The following LAMA4 variants were observed in gnomAD, a reference collection of about 807,000 sequenced individuals.
The protein encoded by LAMA4 is laminin subunit alpha 4, also known as laminin subunit alpha-4.
A neutral mutation model predicts 207.1 loss-of-function variants in LAMA4; 127 were observed. The observed-to-expected ratio is 0.61, with a 90% confidence interval of 0.53 to 0.71. The LOEUF (loss-of-function observed/expected upper bound fraction) is 0.71, where lower values mean the gene tolerates loss of function less well. Among genes scored for constraint, LAMA4 ranks in the 30% least tolerant of loss-of-function variants. The pLI is 0.00. For synonymous variants in LAMA4, 761 were observed against 816.0 expected (o/e 0.93, Z 1.15); for missense variants, 2,093 against 2,246.5 (o/e 0.93, Z 1.38).
chr6:112,159,885 CT>C (rs1308748337), intron 13 of LAMA4, among the ~76,000 whole-genome samples: 1 of 152,124 alleles, frequency 6.6e-6, no homozygotes, highest in African/African-American at 2.4e-5. Flanking sequence ...CTTCTTTGTC[CT>C]GGGAGCAAGC....
intron 4 of LAMA4, among the ~76,000 whole-genome samples, chr6:112,202,444 GT>G (rs1554352871): frequency 3.6e-5 from 1 of 27,436 alleles, no homozygotes; most frequent in African/African-American, 6.5e-4. Flanking sequence ...GGGCATAGGG[GT>G]GTGTGTGTGT....
At position 112,107,995 on chromosome 6, in the gene LAMA4, C is replaced by T. The variant is rs1777518644; in HGVS notation, c.*1442G>A. 2.0e-5 allele frequency among the ~76,000 whole-genome samples: 3 copies of T among 152,080 alleles called. No homozygotes were observed. On this transcript the variant is annotated 3_prime_UTR_variant, in exon 39 of 39. Coordinates refer to ENST00000230538, the MANE Select transcript of LAMA4 (RefSeq NM_001105206.3). ...TGGCACTTAGTAAGTCCTCTATGAA[C>T]AGACATTAGCTATGTTTATCGATAT... is the stretch of plus-strand genomic sequence containing the variant.
rs1780163199 is a variant in LAMA4, at chr6:112,148,350, A to ACAG, written c.2174-17_2174-15dup. 1.9e-6 allele frequency: 3 copies of ACAG among 1,613,952 alleles called. No homozygotes were observed. In the African/African-American group the frequency reaches 4.0e-5, roughly 22 times the overall value. ...GCTGGGCATCCCCTTTACACAGAGC[A>ACAG]CAGGGTCATTCACTTTGCAGAGAAG... On this transcript the variant is annotated splice_polypyrimidine_tract_variant and intron_variant, in intron 17 of 38. Transcript: ENST00000230538.
At chr6:112,174,001 A>T (rs1554342811) in intron 11 of LAMA4, among the ~76,000 whole-genome samples, 1 of 152,258 alleles carries the variant, frequency 6.6e-6, no homozygotes, top group African/African-American at 2.4e-5. Context: ...GGTGGATCTA[A>T]TAGTTACCAT....
chr6:112,199,638 CAATA>C (rs1356946144), intron 5 of LAMA4, among the ~76,000 whole-genome samples: 3 of 152,088 alleles, frequency 2.0e-5, no homozygotes, highest in African/African-American at 7.2e-5. Flanking sequence ...CCTCTTATGG[CAATA>C]AATAAATAAA....
chr6:112,131,360 G>C (rs114604640), intron 28 of LAMA4, among the ~76,000 whole-genome samples: 1 of 152,154 alleles, frequency 6.6e-6, no homozygotes, highest in African/African-American at 2.4e-5. Flanking sequence ...GTTATGCTGG[G>C]AGTTGTCAAC....
chr6:112,194,122 G>A (rs1461924195), intron 5 of LAMA4, among the ~76,000 whole-genome samples: 7 of 152,196 alleles, frequency 4.6e-5, no homozygotes, highest in Non-Finnish European at 1.0e-4. Context: ...AGGTCCCTAA[G>A]CCAGCATAAA....
At chr6:112,158,969 T>C in intron 13 of LAMA4, 89 bp from the exon 14 acceptor site, 6 of 923,738 alleles carry the variant, frequency 6.5e-6, no homozygotes, top group Non-Finnish European at 6.8e-6. Context: ...CTGTTCTTTC[T>C]TATTATGAAG....
chr6:112,233,348 G>A (rs782223234), intron 2 of LAMA4, among the ~76,000 whole-genome samples: 1 of 152,148 alleles, frequency 6.6e-6, no homozygotes. Context: ...CACAAAATGC[G>A]TTTTCAACAA....
intron 5 of LAMA4, among the ~76,000 whole-genome samples, chr6:112,200,888 G>C (rs950252450): frequency 2.0e-5 from 3 of 152,080 alleles, no homozygotes; most frequent in Non-Finnish European, 4.4e-5. Flanking sequence ...GTCAGTGGGT[G>C]GGGGGCAAGG....
At position 112,120,440 on chromosome 6, in the gene LAMA4, G is replaced by A. The variant is rs1488160164; in HGVS notation, c.4508C>T (p.Ser1503Phe). 6.2e-7 allele frequency: 1 copy of A among 1,613,830 alleles called. No homozygotes were observed. Among genetic ancestry groups the A allele is most frequent in the African/African-American group, 1.3e-5 (1 of 74,926 alleles). Residue 1503 changes from serine to phenylalanine, a missense_variant, in exon 33 of 39, where the codon TCC becomes TTC. Ser to Phe is a radical substitution (Grantham distance 155). This residue lies in a region of LAMA4 where 383 missense variants were observed against 437.8 expected (regional missense o/e 0.87). Transcript: ENST00000230538. The part of the protein sequence containing the change: ...SQFSIRLRTR[S>F]SHGMIFYVSD... The stretch of plus-strand genomic sequence containing the variant: ...GACATAGAAGATCATGCCATGGGAG[G>A]AACGAGTTCTCAGACGAATGGAAAA...
In LAMA4 at chr6:112,136,149, G is replaced by C. The variant is rs1779327402; in HGVS notation, c.3388C>G (p.Gln1130Glu). Residue 1130 changes from glutamine (Q) to glutamate (E), a missense_variant, in exon 25 of 39, where the codon CAA (glutamine) becomes GAA (glutamate). Physicochemically the swap from Gln to Glu is conservative, Grantham distance 29 (BLOSUM62 2). This residue lies in a region of LAMA4 where 1,704 missense variants were observed against 1,788.4 expected (regional missense o/e 0.95). Transcript: ENST00000230538. ...TCATGGTATTTTGCATCATTAATTT[G>C]AGCTTTCTTTAACGTATCTTCAAGA... ...VHLEDTLKKAQINDAKYHEIS... is the reference protein window; with the variant it reads ...VHLEDTLKKAEINDAKYHEIS... 6.2e-7 allele frequency: 1 copy of C among 1,613,096 alleles called. No individual in the cohort carries two copies. Among genetic ancestry groups the C allele is most frequent in the Non-Finnish European group, 8.5e-7 (1 of 1,179,630 alleles).
At chr6:112,167,967 G>A (rs934583057) in intron 12 of LAMA4, among the ~76,000 whole-genome samples, 2 of 151,786 alleles carry the variant, frequency 1.3e-5, no homozygotes, top group African/African-American at 4.8e-5. Flanking sequence ...CAGCACTTTG[G>A]GAGGCCGAGG....
At position 112,118,715 on chromosome 6, in the gene LAMA4, G is replaced by GTGTA. The variant is rs1554324905; in HGVS notation, c.4821+440_4821+441insTACA. 2.0e-5 allele frequency among the ~76,000 whole-genome samples: 2 copies of GTGTA among 98,574 alleles called. No individual in the cohort carries two copies. The highest frequency in any genetic ancestry group is 8.0e-5 in the African/African-American group (2 of 25,018). 64.7% of individuals were successfully genotyped at this position (98,574 alleles called of 152,430 possible). A position where few individuals can be genotyped will look rare whatever the true frequency, so the allele number is the denominator to read the frequency against. ...ATACATTTACAAATTGTGTGTGTGT[G>GTGTA]TGTGTATGTGTGTGTGTGTGTGTGT... On this transcript the variant is annotated intron_variant, in intron 34 of 38. Transcript: ENST00000230538. The surrounding 1 kb of genome is among the most constrained non-coding windows in gnomAD (Gnocchi z 4.6).
rs7738331 is a variant in LAMA4 at position 112,108,590 on chromosome 6, C to T, written c.*847G>A. On this transcript the variant is annotated 3_prime_UTR_variant, in exon 39 of 39. Transcript: ENST00000230538. The stretch of plus-strand genomic sequence containing the variant: ...GTATGCCCATGTACAAATTTTTTTG[C>T]AGAGATGGGATCTCATTATGTTGCC... Among the ~76,000 whole-genome samples the T allele has an allele frequency of 0.3, 45,229 of 151,674 alleles. 7,067 individuals carry two copies. The highest frequency in any genetic ancestry group is 0.41 in the African/African-American group (16,944 of 41,336).
intron 2 of LAMA4, among the ~76,000 whole-genome samples, chr6:112,237,210 G>T (rs1398873534): frequency 6.6e-6 from 1 of 152,152 alleles, no homozygotes; most frequent in Non-Finnish European, 1.5e-5. Context: ...TCTCAGGAGA[G>T]CACCAATTGT....
chr6:112,189,243 C>A (rs781894347), intron 6 of LAMA4, 38 bp from the exon 7 acceptor site: 1 of 1,406,062 alleles, frequency 7.1e-7, no homozygotes, highest in East Asian at 2.3e-5. Context: ...AAATGCACTT[C>A]TTAATGCTTA....
At chr6:112,241,694 T>A (rs1468938959) in intron 2 of LAMA4, among the ~76,000 whole-genome samples, 1 of 152,166 alleles carries the variant, frequency 6.6e-6, no homozygotes, top group Non-Finnish European at 1.5e-5. Flanking sequence ...CAAGTGCTAA[T>A]CAAGTGCTTA....
intron 13 of LAMA4, 47 bp from the exon 14 acceptor site, chr6:112,158,927 A>G (rs782394610): frequency 7.4e-7 from 1 of 1,359,832 alleles, no homozygotes; most frequent in South Asian, 1.2e-5. Context: ...GAAGAACTTA[A>G]AACATTTTTC....
Sources: gnomAD v4.1 joint callset for allele counts (sites outside exome capture counted in the v4.1 genomes callset) on GRCh38, gnomAD v4.1.1 for gene constraint, gnomAD v4.1.1 regional missense constraint, Gnocchi (gnomAD v3.1) non-coding constraint, MANE v1.5 for transcripts, NCBI Gene and HGNC (gene_info 2026-07-23, HGNC 2026-07-21) for gene names.